Variants in DMD observed in about 807,000 individuals in gnomAD.
DMD encodes mutant dystrophin.
A neutral mutation model predicts 330.1 loss-of-function variants in DMD; 63 were observed. The observed-to-expected ratio is 0.19, with a 90% CI of 0.16 to 0.24. DMD has a LOEUF of 0.24. Among genes scored for constraint, DMD ranks in the 10% least tolerant of loss-of-function variants. DMD has a pLI of 1.00. For missense variants in DMD, 3,344 were observed against 2,684.1 expected, an observed-to-expected ratio of 1.25 and a Z score of -5.43; for synonymous variants, 1,223 against 959.8, an observed-to-expected ratio of 1.27 and a Z score of -5.07.
At chrX:33,229,001 A>G (rs1393898313) in intron 1 of DMD, among the ~76,000 whole-genome samples, 5 of 110,542 alleles carry the variant, frequency 4.5e-5, no homozygotes, top group Non-Finnish European at 9.5e-5. Context: ...TATGTTTGTC[A>G]TTTATATATA....
chrX:31,273,668 G>A (rs1283027888), intron 62 of DMD, among the ~76,000 whole-genome samples: 2 of 110,783 alleles, frequency 1.8e-5, no homozygotes, highest in South Asian at 3.8e-4. Flanking sequence ...AGACACCAGC[G>A]TTTTTCTTTT....
intron 1 of DMD, among the ~76,000 whole-genome samples, chrX:33,110,208 A>G (rs2095329181): frequency 9.0e-6 from 1 of 110,594 alleles, no homozygotes; most frequent in Non-Finnish European, 1.9e-5. Context: ...ATATGGTACA[A>G]GCCTCTGTTA....
At chrX:32,326,069 GAA>G (rs2097649211) in intron 41 of DMD, among the ~76,000 whole-genome samples, 1 of 111,876 alleles carries the variant, frequency 8.9e-6, no homozygotes, top group Admixed American at 9.5e-5. Context: ...TTGCTAAGCT[GAA>G]AAGTTTTCCT....
intron 76 of DMD, among the ~76,000 whole-genome samples, chrX:31,142,472 G>A (rs2036181536): frequency 8.9e-6 from 1 of 112,159 alleles, no homozygotes; most frequent in South Asian, 3.7e-4. Context: ...GAATGTAAAA[G>A]TACATAAATA....
intron 6 of DMD, among the ~76,000 whole-genome samples, chrX:32,809,824 G>A (rs1377118520): frequency 9.9e-6 from 1 of 100,852 alleles, no homozygotes; most frequent in Admixed American, 1.1e-4. Context: ...GCTCATGCCT[G>A]TAATCTCAAC....
chrX:32,534,731 C>CT (rs2047796831), intron 17 of DMD, among the ~76,000 whole-genome samples: 1 of 111,300 alleles, frequency 9.0e-6, no homozygotes, highest in African/African-American at 3.3e-5. Flanking sequence ...CCCTAATCTC[C>CT]TCAGAAGAGC....
chrX:32,965,177 T>C (rs1264983116), intron 2 of DMD, among the ~76,000 whole-genome samples: 1 of 111,213 alleles, frequency 9.0e-6, no homozygotes, highest in East Asian at 2.8e-4. Flanking sequence ...AAATATAAAA[T>C]GTATTTGATG....
chrX:32,003,562 A>G (rs2095641270), intron 44 of DMD, among the ~76,000 whole-genome samples: 1 of 111,573 alleles, frequency 9.0e-6, no homozygotes, highest in Admixed American at 9.5e-5. Context: ...TTAGAGCTAT[A>G]AAAGATAGAA....
At chrX:31,916,038 C>T (rs755433148) in intron 47 of DMD, among the ~76,000 whole-genome samples, 2 of 112,108 alleles carry the variant, frequency 1.8e-5, no homozygotes, top group Non-Finnish European at 3.8e-5. Flanking sequence ...CAAGCTTAAG[C>T]TTCAAGAAGT....
chrX:32,531,862 T>A (rs1354510839), intron 17 of DMD, among the ~76,000 whole-genome samples: 1 of 112,011 alleles, frequency 8.9e-6, no homozygotes, highest in African/African-American at 3.2e-5. Flanking sequence ...TATGAGAATT[T>A]GATTGAAGTC....
intron 44 of DMD, among the ~76,000 whole-genome samples, chrX:31,999,413 C>T (rs2095610688): frequency 9.0e-6 from 1 of 111,705 alleles, no homozygotes; most frequent in Admixed American, 9.5e-5. Context: ...CAAAATAATA[C>T]CATTTGAATT....
chrX:31,370,357 G>T (rs771976389), intron 60 of DMD, among the ~76,000 whole-genome samples: 1 of 111,809 alleles, frequency 8.9e-6, no homozygotes, highest in East Asian at 2.8e-4. Flanking sequence ...AAAAACTTTT[G>T]AATTAGAAAA....
chrX:31,575,111 C>T (rs1047259468), intron 55 of DMD, among the ~76,000 whole-genome samples: 24 of 111,682 alleles, frequency 2.1e-4, no homozygotes, highest in African/African-American at 7.8e-4. Flanking sequence ...TGTATAAACA[C>T]GGTGTTTCAG....
In DMD at chrX:31,875,249, G is replaced by A. The variant is rs1257560887; in HGVS notation, c.7037C>T (p.Pro2346Leu). ...ATAAATTTCCAACTGATTCCTAATA[G>A]GAGATAACCACAGCAGCAGATGATT... ...QLNHLLLWLS[P>L]IRNQLEIYNQ... Residue 2346 changes from proline to leucine, a missense_variant, in exon 48 of 79, where the codon CCT becomes CTT. Physicochemically the swap from Pro to Leu is moderately conservative, Grantham distance 98 (BLOSUM62 -3). Transcript: ENST00000357033. 1 of 1,187,242 alleles carries A rather than the reference G, an allele frequency of 8.4e-7. No homozygotes were observed.
At chrX:32,415,035 T>G (rs1033760056) in intron 29 of DMD, among the ~76,000 whole-genome samples, 3 of 111,565 alleles carry the variant, frequency 2.7e-5, no homozygotes, top group African/African-American at 9.8e-5. Context: ...GGATCTCTAG[T>G]GATAAAATTT....
At chrX:31,970,262 G>A (rs759423898) in intron 44 of DMD, among the ~76,000 whole-genome samples, 117 of 110,251 alleles carry the variant, frequency 1.1e-3, no homozygotes, top group Non-Finnish European at 1.8e-3. Flanking sequence ...AAGAAAAGAA[G>A]GGAGGAAAGG....
At chrX:32,827,694 CTT>C (rs1203221947) in intron 4 of DMD, among the ~76,000 whole-genome samples, 1 of 95,291 alleles carries the variant, frequency 1.0e-5, no homozygotes, top group African/African-American at 4.1e-5. Context: ...GAGTTTCGCT[CTT>C]GTTGCCCAGA....
chrX:31,235,104 AAAG>A (rs2047593351), intron 63 of DMD, among the ~76,000 whole-genome samples: 1 of 111,778 alleles, frequency 8.9e-6, no homozygotes, highest in African/African-American at 3.2e-5. Context: ...GGATTTTTAC[AAAG>A]AAGTGCACAG....
chrX:32,917,479 C>T (rs1289205552), intron 2 of DMD, among the ~76,000 whole-genome samples: 1 of 111,780 alleles, frequency 8.9e-6, no homozygotes, highest in East Asian at 2.8e-4. Context: ...CACAAATTCA[C>T]AAACATAACA....
Sources: gnomAD v4.1 joint callset for allele counts (sites outside exome capture counted in the v4.1 genomes callset) on GRCh38, gnomAD v4.1.1 for gene constraint, MANE v1.5 for transcripts, NCBI Gene and HGNC (gene_info 2026-07-23, HGNC 2026-07-21) for gene names.